The following GLIS3 variants were observed in gnomAD, a reference collection of about 807,000 sequenced individuals.
The protein encoded by GLIS3 is GLIS family zinc finger 3.
In GLIS3, 53 loss-of-function variants were observed where a neutral mutation model predicts 78.6. The observed-to-expected ratio is 0.67, with a 90% CI of 0.54 to 0.85. The LOEUF (loss-of-function observed/expected upper bound fraction) is 0.85. GLIS3 is among the 40% of genes least tolerant of loss of function. The pLI is 0.00. For missense variants in GLIS3, 1,703 were observed against 1,231.1 expected (o/e 1.38, Z -5.74); for synonymous variants, 684 against 509.9 (o/e 1.34, Z -4.60).
Position 4,133,596 on chromosome 9 carries a change from C to T in GLIS3, c.389-7655G>A, listed in dbSNP as rs545059590. ...GACAAGTTACTTAAGCTCTCTGTGC[C>T]TCAGTGTCCTGATCTCCCAATGAGG... On this transcript the variant is annotated intron_variant, in intron 2 of 10. Transcript: ENST00000381971. Among the ~76,000 whole-genome samples, 9 of 152,336 alleles carry T rather than the reference C, an allele frequency of 5.9e-5. No homozygotes were observed. In the South Asian group the frequency reaches 1.9e-3, roughly 32 times the overall value.
At chr9:4,408,215 A>G in the GLIS3 span, among the ~76,000 whole-genome samples, 1 of 152,134 alleles carries the variant, frequency 6.6e-6, no homozygotes, top group Non-Finnish European at 1.5e-5. Flanking sequence ...GAGGTTCCCT[A>G]GAAAACAAAA....
chr9:3,969,691 C>CA (rs769851373), intron 4 of GLIS3, among the ~76,000 whole-genome samples: 11 of 152,296 alleles, frequency 7.2e-5, no homozygotes, highest in South Asian at 2.1e-4. Flanking sequence ...GTGAAGAACT[C>CA]AGCTTGCTGT....
At chr9:4,155,884 G>A (rs1391766055) in intron 2 of GLIS3, among the ~76,000 whole-genome samples, 1 of 152,212 alleles carries the variant, frequency 6.6e-6, no homozygotes, top group East Asian at 1.9e-4. Context: ...CCCCTCTGCT[G>A]TGGGAACCAC....
At chr9:4,399,543 G>A in the GLIS3 span, among the ~76,000 whole-genome samples, 6 of 152,216 alleles carry the variant, frequency 3.9e-5, no homozygotes, top group African/African-American at 1.4e-4. Context: ...CATTTCCCCT[G>A]TACCATGCTG....
chr9:4,186,471 G>C (rs1817808216), intron 2 of GLIS3, among the ~76,000 whole-genome samples: 2 of 151,976 alleles, frequency 1.3e-5, no homozygotes, highest in African/African-American at 4.8e-5. Flanking sequence ...GTGTGCATGT[G>C]TCTTTATAGC....
intron 2 of GLIS3, among the ~76,000 whole-genome samples, chr9:4,285,374 T>G (rs1827897519): frequency 6.6e-6 from 1 of 152,190 alleles, no homozygotes; most frequent in South Asian, 2.1e-4. Flanking sequence ...ACTAATGAAT[T>G]AAAAGCACAT....
At chr9:3,913,782 T>C (rs772101389) in intron 6 of GLIS3, among the ~76,000 whole-genome samples, 1 of 152,216 alleles carries the variant, frequency 6.6e-6, no homozygotes, top group Non-Finnish European at 1.5e-5. Flanking sequence ...ATTATATCAA[T>C]ATGTGTGCAC....
At chr9:3,877,567 T>G (rs1339104545) in intron 8 of GLIS3, among the ~76,000 whole-genome samples, 1 of 152,204 alleles carries the variant, frequency 6.6e-6, no homozygotes, top group African/African-American at 2.4e-5. Flanking sequence ...TCAACATTGT[T>G]TTTTCCTCCA....
chr9:4,015,626 G>A (rs959008148), intron 4 of GLIS3, among the ~76,000 whole-genome samples: 10 of 152,100 alleles, frequency 6.6e-5, no homozygotes, highest in African/African-American at 9.7e-5. Flanking sequence ...GGTGGCTCAC[G>A]CCCGTAATCC....
the GLIS3 span, among the ~76,000 whole-genome samples, chr9:4,467,775 A>T: frequency 2.0e-5 from 3 of 151,932 alleles, no homozygotes; most frequent in Non-Finnish European, 4.4e-5. Flanking sequence ...ACAAAGCTGG[A>T]TGGAGAACGA....
At chr9:4,298,020 C>A (rs1816724573) in intron 1 of GLIS3, among the ~76,000 whole-genome samples, 1 of 152,180 alleles carries the variant, frequency 6.6e-6, no homozygotes, top group South Asian at 2.1e-4. Flanking sequence ...GCCGCCTCCG[C>A]CCCTAACCCT....
chr9:3,840,235 GTTC>G (rs1818630456), intron 9 of GLIS3, among the ~76,000 whole-genome samples: 1 of 152,154 alleles, frequency 6.6e-6, no homozygotes, highest in Non-Finnish European at 1.5e-5. Flanking sequence ...CACATAAGCA[GTTC>G]TTAAGTAATT....
intron 2 of GLIS3, among the ~76,000 whole-genome samples, chr9:4,269,183 G>A (rs1177326070): frequency 6.6e-6 from 1 of 152,060 alleles, no homozygotes; most frequent in Non-Finnish European, 1.5e-5. Flanking sequence ...CACTCTAAGG[G>A]ATCTCCTCTC....
chr9:4,263,030 C>A (rs983482684), intron 2 of GLIS3, among the ~76,000 whole-genome samples: 6 of 151,810 alleles, frequency 4.0e-5, no homozygotes, highest in Admixed American at 6.6e-5. Context: ...AAAGGCAAGG[C>A]TAGAATGTTT....
intron 8 of GLIS3, among the ~76,000 whole-genome samples, chr9:3,868,682 T>TC (rs2130366093): frequency 6.6e-6 from 1 of 152,218 alleles, no homozygotes; most frequent in Non-Finnish European, 1.5e-5. Context: ...AGTCACTACA[T>TC]CCCCCTTATT....
chr9:4,234,440 GAACA>G (rs1466531746), intron 2 of GLIS3, among the ~76,000 whole-genome samples: 4 of 152,158 alleles, frequency 2.6e-5, no homozygotes, highest in African/African-American at 9.7e-5. Context: ...GCACTCTGTG[GAACA>G]GTCAGAATAC....
At chr9:3,967,562 C>T (rs1366719422) in intron 4 of GLIS3, among the ~76,000 whole-genome samples, 1 of 151,882 alleles carries the variant, frequency 6.6e-6, no homozygotes, top group East Asian at 1.9e-4. Flanking sequence ...ATAAGTATAC[C>T]AGCATATTTA....
At chr9:4,427,184 T>C in the GLIS3 span, among the ~76,000 whole-genome samples, 1 of 152,192 alleles carries the variant, frequency 6.6e-6, no homozygotes, top group East Asian at 1.9e-4. Context: ...GGATGCTCCA[T>C]TGAGAATACA....
At chr9:4,140,844 A>G (rs1034959627) in intron 2 of GLIS3, among the ~76,000 whole-genome samples, 4 of 148,436 alleles carry the variant, frequency 2.7e-5, no homozygotes, top group Admixed American at 2.0e-4. Flanking sequence ...TATTGCCCAG[A>G]TTGGAGTGCA....
Sources: allele counts gnomAD v4.1 joint callset (sites outside exome capture counted in the v4.1 genomes callset), GRCh38; gene constraint gnomAD v4.1.1; transcripts MANE v1.5; gene names NCBI Gene and HGNC (gene_info 2026-07-23, HGNC 2026-07-21).